Variants in LYST observed in about 807,000 individuals in gnomAD.
LYST encodes lysosomal-trafficking regulator.
LYST carries 192 observed loss-of-function variants against 413.6 expected under a neutral mutation model. The ratio of observed to expected loss-of-function variants is 0.46; its 90% CI spans 0.41 to 0.52. The LOEUF is 0.52. LYST is among the 20% of genes least tolerant of loss of function. The pLI, the probability that LYST is intolerant of heterozygous loss-of-function variation, is 0.00. For synonymous variants in LYST, 1,525 were observed against 1,567.3 expected, an observed-to-expected ratio of 0.97 and a Z score of 0.64; for missense variants, 3,815 against 4,499.9, an observed-to-expected ratio of 0.85 and a Z score of 4.35.
intron 1 of LYST, among the ~76,000 whole-genome samples, chr1:235,834,346 CA>C (rs1469653195): frequency 6.6e-6 from 1 of 152,048 alleles, no homozygotes; most frequent in Non-Finnish European, 1.5e-5. Flanking sequence ...AGTTATGCGG[CA>C]AACATGAAGA....
intron 40 of LYST, among the ~76,000 whole-genome samples, chr1:235,720,395 T>C (rs1187545204): frequency 6.6e-6 from 1 of 152,118 alleles, no homozygotes; most frequent in African/African-American, 2.4e-5. Flanking sequence ...TGAGATGTTC[T>C]ATTTTTTAAA....
chr1:235,747,143 A>G (rs1317782718), intron 28 of LYST: 2 of 364,610 alleles, frequency 5.5e-6, no homozygotes, highest in East Asian at 1.5e-4. Flanking sequence ...AACAGAGAGG[A>G]GTGGCATTCC....
intron 44 of LYST, 109 bp downstream of exon 44, chr1:235,708,982 A>C (rs1662198145): frequency 3.2e-6 from 3 of 946,290 alleles, no homozygotes; most frequent in Admixed American, 3.8e-5. Flanking sequence ...TGCTACTACC[A>C]ATTCTCTTTG....
intron 8 of LYST, 97 bp downstream of exon 8, chr1:235,802,811 G>T: frequency 2.7e-6 from 3 of 1,099,292 alleles, no homozygotes; most frequent in Non-Finnish European, 4.1e-6. Flanking sequence ...AAACTGTAAG[G>T]CAATACAAAA....
chr1:235,808,393 T>A, intron 5 of LYST, 62 bp downstream of exon 5: 1 of 1,490,958 alleles, frequency 6.7e-7, no homozygotes, highest in Non-Finnish European at 9.2e-7. Flanking sequence ...AAGCATCCAA[T>A]GAAAAAGATC....
At chr1:235,787,077 T>C (rs1243817520) in intron 14 of LYST, 123 bp downstream of exon 14, 3 of 714,448 alleles carry the variant, frequency 4.2e-6, no homozygotes, top group African/African-American at 1.8e-5. Context: ...ACAAAAAATA[T>C]AGTAAATTTT....
intron 40 of LYST, 63 bp from the exon 41 acceptor site, chr1:235,716,841 G>A: frequency 1.1e-6 from 1 of 926,520 alleles, no homozygotes; most frequent in South Asian, 1.3e-5. Flanking sequence ...AAGCTCCCTA[G>A]ATGTCTGCAT....
At chr1:235,844,888 C>T (rs1011518702) in intron 1 of LYST, among the ~76,000 whole-genome samples, 10 of 152,240 alleles carry the variant, frequency 6.6e-5, no homozygotes, top group Middle Eastern at 6.8e-3. Context: ...TTAATCTAAG[C>T]TTTACTGTGT....
At chr1:235,732,471 T>C (rs1363976623) in intron 34 of LYST, among the ~76,000 whole-genome samples, 2 of 152,150 alleles carry the variant, frequency 1.3e-5, no homozygotes. Flanking sequence ...CTGGCCTGCC[T>C]TCCATATTTC....
At chr1:235,744,869 G>C (rs1384159096) in intron 29 of LYST, among the ~76,000 whole-genome samples, 2 of 146,816 alleles carry the variant, frequency 1.4e-5, no homozygotes, top group African/African-American at 5.2e-5. Flanking sequence ...CACTAGCCTT[G>C]GTGACAGAGT....
rs754608896 is a variant in LYST at position 235,830,428 on chromosome 1, T to C, written c.-7-4A>G. 2 of 1,593,946 alleles carry C rather than the reference T, an allele frequency of 1.3e-6. No individual in the cohort carries two copies. Among genetic ancestry groups the C allele is most frequent in the Non-Finnish European group, 1.7e-6 (2 of 1,166,296 alleles). ...ACTGTCGGTGCTCATGACCGAGCTATAAAATAAGTATTACAAAAAAAAAAG... is the reference window on the plus strand; with the variant it reads ...ACTGTCGGTGCTCATGACCGAGCTACAAAATAAGTATTACAAAAAAAAAAG... On this transcript the variant is annotated splice_polypyrimidine_tract_variant and splice_region_variant and intron_variant, in intron 2 of 52. Coordinates refer to ENST00000389793, the MANE Select transcript of LYST (RefSeq NM_000081.4).
chr1:235,734,652 G>T lies in LYST; in HGVS notation c.8366C>A (p.Ala2789Asp). The T allele has an allele frequency of 1.2e-6, 2 of 1,601,662 alleles. No individual in the cohort carries two copies. The highest frequency in any genetic ancestry group is 8.5e-7 in the Non-Finnish European group (1 of 1,173,116). The change falls in exon 32 of 53, where the codon GCC becomes GAC. Residue 2789 changes from alanine (A) to aspartate (D), a missense_variant. Coordinates refer to ENST00000389793, the MANE Select transcript of LYST (RefSeq NM_000081.4). ...CTCTGACAAATACAAAACTAACTTGGCTCCATGCTTTAAAAAAAGTAATAA... is the reference window on the plus strand; with the variant it reads ...CTCTGACAAATACAAAACTAACTTGTCTCCATGCTTTAAAAAAAGTAATAA... ...DCLSPSLQHG[A>D]KLVLYLSELI...
chr1:235,806,617 T>C lies in LYST; in HGVS notation c.2519A>G (p.Asp840Gly). Residue 840 changes from aspartate (D) to glycine (G), a missense_variant, in exon 6 of 53, where the codon GAT (aspartate) becomes GGT (glycine). Physicochemically the swap from Asp to Gly is moderately conservative, Grantham distance 94. This residue lies in a region of LYST where 1,648 missense variants were observed against 1,810.3 expected (regional missense o/e 0.91). Transcript: ENST00000389793. ...QQKDASVPDIDGIDIEQKELS... is the reference protein window; with the variant it reads ...QQKDASVPDIGGIDIEQKELS... Reference sequence around the variant, plus strand: ...CTCCTTCTGTTCAATGTCTATCCCATCAATATCTGGAACTGAGGCATCTTT... The same window carrying C: ...CTCCTTCTGTTCAATGTCTATCCCACCAATATCTGGAACTGAGGCATCTTT... 6.2e-7 allele frequency: 1 copy of C among 1,614,098 alleles called. No homozygotes were observed. The highest frequency in any genetic ancestry group is 1.1e-5 in the South Asian group (1 of 91,082).
intron 46 of LYST, among the ~76,000 whole-genome samples, chr1:235,695,560 C>T (rs1166386114): frequency 6.6e-6 from 1 of 151,974 alleles, no homozygotes; most frequent in Non-Finnish European, 1.5e-5. Flanking sequence ...TGCTTAAGTC[C>T]CATAATGCAA....
chr1:235,708,638 G>A (rs1347372225), intron 44 of LYST, among the ~76,000 whole-genome samples: 1 of 152,204 alleles, frequency 6.6e-6, no homozygotes, highest in Admixed American at 6.5e-5. Flanking sequence ...CTTGCACACT[G>A]AGCCTCTAAT....
At chr1:235,869,341 G>A (rs1359947730), upstream of LYST, among the ~76,000 whole-genome samples, 1 of 152,120 alleles carries the variant, frequency 6.6e-6, no homozygotes, top group African/African-American at 2.4e-5. Flanking sequence ...GCGCGGTGGC[G>A]GACGCCTGTA....
Position 235,759,122 on chromosome 1 carries a change from G to C in LYST, c.6731C>G (p.Ala2244Gly). The C allele has an allele frequency of 6.2e-7, 1 of 1,614,190 alleles. No homozygotes were observed. The highest frequency in any genetic ancestry group is 8.5e-7 in the Non-Finnish European group (1 of 1,180,016). Residue 2244 changes from alanine (A) to glycine (G), a missense_variant, in exon 23 of 53, where the codon GCA becomes GGA. Ala to Gly is a moderately conservative substitution (Grantham distance 60). Around this residue, in one of 4 missense-constraint regions of LYST, gnomAD observed 771 missense variants for 837.1 expected, o/e 0.92. Transcript: ENST00000389793. ...ASFQRSHSTI[A>G]SLGLAFPSQN... ...TGAAGGAAAAGCTAGCCCAAGGCTTGCAATAGTGCTGTGGCTTCGCTGGAA... is the reference window on the plus strand; with the variant it reads ...TGAAGGAAAAGCTAGCCCAAGGCTTCCAATAGTGCTGTGGCTTCGCTGGAA...
intron 21 of LYST, among the ~76,000 whole-genome samples, chr1:235,765,079 A>G (rs1042353029): frequency 4.6e-5 from 7 of 151,830 alleles, no homozygotes; most frequent in Non-Finnish European, 8.8e-5. Context: ...TCAGAGCTTC[A>G]CCTCACTTCT....
At chr1:235,668,192 A>G (rs1485909059) in intron 50 of LYST, among the ~76,000 whole-genome samples, 1 of 151,632 alleles carries the variant, frequency 6.6e-6, no homozygotes, top group Non-Finnish European at 1.5e-5. Flanking sequence ...GTACGTATAT[A>G]CATACATAGA....
Sources: gnomAD v4.1 joint callset for allele counts (sites outside exome capture counted in the v4.1 genomes callset) on GRCh38, gnomAD v4.1.1 for gene constraint, gnomAD v4.1.1 regional missense constraint, MANE v1.5 for transcripts, NCBI Gene and HGNC (gene_info 2026-07-23, HGNC 2026-07-21) for gene names.